Variants in GTPBP10 observed in about 807,000 individuals in gnomAD.
The protein encoded by GTPBP10 is GTP-binding protein 10.
Under a neutral mutation model 44.8 loss-of-function variants are expected in GTPBP10, and 38 were observed. The ratio of observed to expected loss-of-function variants is 0.85; its 90% CI spans 0.65 to 1.11. The LOEUF (loss-of-function observed/expected upper bound fraction) is 1.11. Ranked by LOEUF, GTPBP10 falls within the 50% of genes most tolerant of loss-of-function variation. GTPBP10 has a pLI of 0.00. For synonymous variants in GTPBP10, 152 were observed against 150.6 expected (o/e 1.01, Z -0.07); for missense variants, 462 against 453.7 (o/e 1.02, Z -0.17).
intron 4 of GTPBP10, among the ~76,000 whole-genome samples, chr7:90,369,437 A>T (rs113760125): frequency 0.015 from 2,359 of 152,254 alleles, 59 homozygotes; most frequent in African/African-American, 0.052. Context: ...CCTTGCTGAG[A>T]TGTGGTGGAC....
intron 4 of GTPBP10, 46 bp from the exon 5 acceptor site, chr7:90,372,109 G>A: frequency 8.8e-7 from 1 of 1,139,750 alleles, no homozygotes; most frequent in Non-Finnish European, 1.3e-6. Flanking sequence ...GGAATTCAGA[G>A]ATAATAATAT....
intron 8 of GTPBP10, among the ~76,000 whole-genome samples, chr7:90,380,100 A>T (rs140756951): frequency 0.01 from 1,087 of 106,522 alleles, 13 homozygotes; most frequent in African/African-American, 0.038. Context: ...TTTTTTTGAG[A>T]TGGAGTCTCA....
Position 90,355,093 on chromosome 7 carries a change from CAAT to C in GTPBP10, c.330_332del (p.Asn110del), listed in dbSNP as rs1204310455. 1.9e-6 allele frequency: 3 copies of C among 1,570,604 alleles called. No individual in the cohort carries two copies. Among genetic ancestry groups the C allele is most frequent in the Non-Finnish European group, 2.6e-6 (3 of 1,147,152 alleles). On this transcript the variant is annotated inframe_deletion, in exon 4 of 10. Coordinates refer to ENST00000222511, the MANE Select transcript of GTPBP10 (RefSeq NM_033107.4). ...TCTCTCCCTCTTTTTAAGGAGAACT[CAAT>C]AAAGAAAATGACAGAATTTTGGTAG... is the stretch of plus-strand genomic sequence containing the variant.
rs1189976943 is a variant in GTPBP10 at position 90,390,632 on chromosome 7, A to G, written c.*5478A>G. ...TTATGTTATAATTAATTTGCGAGCA[A>G]TATATGGCATGATAGTATTTTCTTA... is the stretch of plus-strand genomic sequence containing the variant. On this transcript the variant is annotated 3_prime_UTR_variant, in exon 10 of 10. Coordinates refer to ENST00000222511, the MANE Select transcript of GTPBP10 (RefSeq NM_033107.4). The G allele has an allele frequency of 4.6e-5, 7 of 152,200 alleles. No homozygotes were observed. Among genetic ancestry groups the G allele is most frequent in the Admixed American group, 3.9e-4 (6 of 15,284 alleles). The allele number at this position is 152,200 out of a possible 1,614,324, so 9.4% of individuals were successfully genotyped here.
intron 1 of GTPBP10, 66 bp downstream of exon 1, chr7:90,346,840 T>G: frequency 6.5e-7 from 1 of 1,544,264 alleles, no homozygotes; most frequent in South Asian, 1.1e-5. Flanking sequence ...TTTGCTCCCC[T>G]GTCTCTCCAC....
At chr7:90,378,028 TAGAG>T in intron 7 of GTPBP10, 102 bp from the exon 8 acceptor site, 1 of 1,352,686 alleles carries the variant, frequency 7.4e-7, no homozygotes, top group Non-Finnish European at 1.0e-6. Flanking sequence ...AAGTAGAGTA[TAGAG>T]AAATTGTTTT....
rs903786233 is a variant in GTPBP10, at chr7:90,387,823, G to A, written c.*2669G>A. On this transcript the variant is annotated 3_prime_UTR_variant, in exon 10 of 10. Coordinates refer to ENST00000222511, the MANE Select transcript of GTPBP10 (RefSeq NM_033107.4). ...AGGAAAAGCGTTTGGAATTTATAGT[G>A]ATCACAGTGACCAGGTTTTGTATTG... The A allele has an allele frequency of 2.6e-5, 4 of 152,184 alleles. No homozygotes were observed. Among genetic ancestry groups the A allele is most frequent in the Non-Finnish European group, 5.9e-5 (4 of 68,040 alleles). 9.4% of individuals were successfully genotyped at this position (152,184 alleles called of 1,614,324 possible). A position where few individuals can be genotyped will look rare whatever the true frequency, so the allele number is the denominator to read the frequency against.
intron 8 of GTPBP10, among the ~76,000 whole-genome samples, chr7:90,379,891 A>C (rs1796404751): frequency 6.6e-6 from 1 of 152,082 alleles, no homozygotes; most frequent in Admixed American, 6.6e-5. Context: ...ATTTTGTTAT[A>C]GTTCTTATTT....
chr7:90,386,872 C>G lies in GTPBP10; in HGVS notation c.*1718C>G, dbSNP rs1319119358. The G allele has an allele frequency of 6.6e-6, 1 of 152,074 alleles. No individual in the cohort carries two copies. The highest frequency in any genetic ancestry group is 1.9e-4 in the East Asian group (1 of 5,198). 9.4% of individuals were successfully genotyped at this position (152,074 alleles called of 1,614,324 possible). On this transcript the variant is annotated 3_prime_UTR_variant, in exon 10 of 10. Coordinates refer to ENST00000222511, the MANE Select transcript of GTPBP10 (RefSeq NM_033107.4). ...AAATAGTACAAAAGCATATAAGTAA[C>G]TAATAAAAGCTCCCTTTCTGCATTA...
chr7:90,372,886 A>G (rs1275549143), intron 5 of GTPBP10, among the ~76,000 whole-genome samples: 2 of 152,168 alleles, frequency 1.3e-5, no homozygotes, highest in East Asian at 1.9e-4. Flanking sequence ...TTTGACTTGT[A>G]TTGAGTTTGT....
rs564427153 is a variant in GTPBP10, at chr7:90,372,158, C to T, written c.468C>T (p.Phe156=). 4.4e-4 allele frequency: 701 copies of T among 1,594,458 alleles called. 4 individuals are homozygous for T. The highest frequency in any genetic ancestry group is 2.0e-3 in the South Asian group (178 of 89,536). The change falls in exon 5 of 10, where the codon TTC becomes TTT. Residue 156 remains phenylalanine, a synonymous_variant. Coordinates refer to ENST00000222511, the MANE Select transcript of GTPBP10 (RefSeq NM_033107.4). ...KLIADVGLVG[F]PNAGKSSLLS... is the part of the protein sequence containing the mutation. ...TAATTTTATATTCTTGTTTCAGATT[C>T]CCAAATGCTGGAAAATCCTCTTTGC... is the stretch of plus-strand genomic sequence containing the variant.
chr7:90,373,914 C>G (rs1297349790), intron 5 of GTPBP10, among the ~76,000 whole-genome samples: 2 of 152,178 alleles, frequency 1.3e-5, no homozygotes, highest in Non-Finnish European at 2.9e-5. Context: ...GATCATACCT[C>G]ACTGTAACTT....
At chr7:90,382,167 G>A (rs1326045909) in intron 8 of GTPBP10, among the ~76,000 whole-genome samples, 2 of 152,144 alleles carry the variant, frequency 1.3e-5, no homozygotes, top group African/African-American at 2.4e-5. Flanking sequence ...CTGATAAGTG[G>A]TTGATATCCA....
intron 1 of GTPBP10, among the ~76,000 whole-genome samples, chr7:90,351,077 G>A (rs1795781298): frequency 6.6e-6 from 1 of 152,198 alleles, no homozygotes. Flanking sequence ...GGCCTTTTAA[G>A]TGGCAACTTG....
intron 1 of GTPBP10, among the ~76,000 whole-genome samples, chr7:90,350,967 T>C (rs908509367): frequency 6.6e-6 from 1 of 152,168 alleles, no homozygotes; most frequent in African/African-American, 2.4e-5. Context: ...GCGCTGAACA[T>C]GATGAAAAAT....
chr7:90,363,219 G>T (rs200793883), intron 4 of GTPBP10, among the ~76,000 whole-genome samples: 1 of 152,178 alleles, frequency 6.6e-6, no homozygotes, highest in Non-Finnish European at 1.5e-5. Flanking sequence ...GATGCGGTTT[G>T]TTCCTAGCGT....
intron 7 of GTPBP10, 49 bp downstream of exon 7, chr7:90,377,663 T>G: frequency 7.9e-7 from 1 of 1,265,140 alleles, no homozygotes; most frequent in Non-Finnish European, 1.1e-6. Flanking sequence ...TGAAAACCAG[T>G]GAATTTAGTT....
chr7:90,357,802 G>A lies in GTPBP10; in HGVS notation c.464+2572G>A, dbSNP rs148720599. 3.3e-5 allele frequency among the ~76,000 whole-genome samples: 5 copies of A among 152,194 alleles called. No individual in the cohort carries two copies. The East Asian group carries it at 9.6e-4, about 29-fold the overall frequency. On this transcript the variant is annotated intron_variant, in intron 4 of 9. Transcript: ENST00000222511. ...TTCCTAGTACTGTCTTTCATACATG[G>A]TGGGCCTTTCTTGAGGGAAATTTAG...
rs1052158991 is a variant in GTPBP10 at position 90,390,729 on chromosome 7, G to A, written c.*5575G>A. 1 of 152,048 alleles carries A rather than the reference G, an allele frequency of 6.6e-6. No homozygotes were observed. Among genetic ancestry groups the A allele is most frequent in the African/African-American group, 2.4e-5 (1 of 41,418 alleles). The allele number at this position is 152,048 out of a possible 1,614,324, so 9.4% of individuals were successfully genotyped here. A position where few individuals can be genotyped will look rare whatever the true frequency, so the allele number is the denominator to read the frequency against. On this transcript the variant is annotated 3_prime_UTR_variant, in exon 10 of 10. Transcript: ENST00000222511. ...TCCTTTGTTCATGGCCCATATTCCA[G>A]TATATTTTTCTGAAACTGCCAATAT... is the stretch of plus-strand genomic sequence containing the variant.
Sources: gnomAD v4.1 joint callset for allele counts (sites outside exome capture counted in the v4.1 genomes callset) on GRCh38, gnomAD v4.1.1 for gene constraint, MANE v1.5 for transcripts, NCBI Gene and HGNC (gene_info 2026-07-23, HGNC 2026-07-21) for gene names.